MAN2A1: variants seen among roughly 807,000 people sequenced by gnomAD.
MAN2A1 encodes alpha-mannosidase 2.
MAN2A1 carries 76 observed loss-of-function variants against 142.6 expected under a neutral mutation model. That is an observed-to-expected ratio of 0.53 (90% CI 0.44 to 0.65). MAN2A1 has a LOEUF of 0.65. Ranked by LOEUF, MAN2A1 falls within the 30% of genes least tolerant of loss-of-function variation. MAN2A1 has a pLI of 0.00. For synonymous variants in MAN2A1, 559 were observed against 473.2 expected, an observed-to-expected ratio of 1.18 and a Z score of -2.35; for missense variants, 1,311 against 1,365.1, an observed-to-expected ratio of 0.96 and a Z score of 0.62.
In MAN2A1 at chr5:109,730,748, G is replaced by A. The variant is rs375278716; in HGVS notation, c.707+1235G>A. ...ATCTTCTAAACAATTCTGTGAAATA[G>A]GTACAATTGTTATCATTGTTTTACA... On this transcript the variant is annotated intron_variant, in intron 4 of 21. Coordinates refer to ENST00000261483, the MANE Select transcript of MAN2A1 (RefSeq NM_002372.4). 1.5e-3 allele frequency among the ~76,000 whole-genome samples: 230 copies of A among 152,174 alleles called. 9 individuals are homozygous for A. The South Asian group carries it at 0.047, about 31-fold the overall frequency.
chr5:109,822,834 A>C (rs1449113366), intron 15 of MAN2A1, among the ~76,000 whole-genome samples: 1 of 151,942 alleles, frequency 6.6e-6, no homozygotes, highest in African/African-American at 2.4e-5. Flanking sequence ...CCCGCCACCA[A>C]GTCTGGCTAA....
intron 16 of MAN2A1, among the ~76,000 whole-genome samples, chr5:109,832,709 C>T (rs991047418): frequency 1.2e-4 from 18 of 152,142 alleles, no homozygotes; most frequent in Admixed American, 3.3e-4. Flanking sequence ...GACAGGGTGG[C>T]GGCCGGGCAG....
chr5:109,805,033 A>G (rs1489651180), intron 12 of MAN2A1, among the ~76,000 whole-genome samples: 1 of 152,198 alleles, frequency 6.6e-6, no homozygotes, highest in East Asian at 1.9e-4. Context: ...TCACCCATAA[A>G]TATAATGTCT....
chr5:109,716,227 T>C lies in MAN2A1; in HGVS notation c.498T>C (p.Leu166=), dbSNP rs755325584. The change falls in exon 3 of 22, where the codon CTT becomes CTC. Residue 166 remains leucine, a synonymous_variant. Transcript: ENST00000261483. The part of the protein sequence containing the change: ...YESNEWDTEP[L]QVFVVPHSHN... ...CTAATGAATGGGACACTGAACCCCTTCAAGTCTTTGTGGTGCCTCATTCCC... is the reference window on the plus strand; with the variant it reads ...CTAATGAATGGGACACTGAACCCCTCCAAGTCTTTGTGGTGCCTCATTCCC... 11 of 1,609,270 alleles carry C rather than the reference T, an allele frequency of 6.8e-6. No individual in the cohort carries two copies. The highest frequency in any genetic ancestry group is 8.5e-6 in the Non-Finnish European group (10 of 1,177,438).
intron 1 of MAN2A1, among the ~76,000 whole-genome samples, chr5:109,712,170 A>T (rs575530411): frequency 6.6e-6 from 1 of 152,022 alleles, no homozygotes; most frequent in Non-Finnish European, 1.5e-5. Flanking sequence ...AGTTTGCTCA[A>T]ATGATTGGCC....
Position 109,789,440 on chromosome 5 carries a change from AT to A in MAN2A1, c.1876-18del, listed in dbSNP as rs752855407. 1.7e-5 allele frequency: 25 copies of A among 1,458,668 alleles called. No homozygotes were observed. The highest frequency in any genetic ancestry group is 2.1e-4 in the Middle Eastern group (1 of 4,654). The allele number at this position is 1,458,668 out of a possible 1,614,324, so 90.4% of individuals were successfully genotyped here. On this transcript the variant is annotated intron_variant, in intron 11 of 21. Transcript: ENST00000261483. ...ATGGAGTGTTAAGTAAAATTAAAAAATTACTGTTCATTTTTATAGGATTTGA... is the reference window on the plus strand; with the variant it reads ...ATGGAGTGTTAAGTAAAATTAAAAAATACTGTTCATTTTTATAGGATTTGA...
rs538306749 is a variant in MAN2A1, at chr5:109,865,140, G to C, written c.3276G>C (p.Gln1092His). Residue 1092 changes from glutamine to histidine, a missense_variant, in exon 21 of 22, where the codon CAG becomes CAC. Gln to His is a conservative substitution (Grantham distance 24, BLOSUM62 0). This residue lies in a region of MAN2A1 where 890 missense variants were observed against 920.5 expected (regional missense o/e 0.97). Transcript: ENST00000261483. Reference sequence around the variant, plus strand: ...CAGGGCTGTTTTGTTCTACTACTCAGGGAAAGGTAAGTTGAAAAGGTTATT... The same window carrying C: ...CAGGGCTGTTTTGTTCTACTACTCACGGAAAGGTAAGTTGAAAAGGTTATT... The part of the protein sequence containing the change: ...KGTGLFCSTT[Q>H]GKILVQKLLN... 7 of 1,611,492 alleles carry C rather than the reference G, an allele frequency of 4.3e-6. No homozygotes were observed. Among genetic ancestry groups the C allele is most frequent in the Non-Finnish European group, 5.9e-6 (7 of 1,177,828 alleles).
chr5:109,854,310 T>C (rs977299251), intron 19 of MAN2A1: 2 of 152,196 alleles, frequency 1.3e-5, no homozygotes, highest in East Asian at 3.8e-4. Flanking sequence ...GCATGTCATC[T>C]AGCATATTTA....
intron 1 of MAN2A1, among the ~76,000 whole-genome samples, chr5:109,705,572 G>T (rs2112550885): frequency 6.6e-6 from 1 of 152,286 alleles, no homozygotes; most frequent in East Asian, 1.9e-4. Context: ...CTAAGCATAA[G>T]AATATAAGCT....
At chr5:109,840,445 A>G (rs569927275) in intron 16 of MAN2A1, 161 of 461,068 alleles carry the variant, frequency 3.5e-4, no homozygotes, top group Non-Finnish European at 5.4e-4. Flanking sequence ...GCATCAGCCC[A>G]TCTTTGCTGC....
chr5:109,843,340 C>A (rs1166177532), intron 17 of MAN2A1, among the ~76,000 whole-genome samples: 1 of 152,068 alleles, frequency 6.6e-6, no homozygotes, highest in Non-Finnish European at 1.5e-5. Context: ...GTGAGATCTC[C>A]CTCACTGTCA....
chr5:109,858,884 G>A (rs1002290076), intron 20 of MAN2A1, among the ~76,000 whole-genome samples: 3 of 152,216 alleles, frequency 2.0e-5, no homozygotes, highest in African/African-American at 7.2e-5. Flanking sequence ...TGAGGGAGGC[G>A]AGTTGCAGGC....
intron 2 of MAN2A1, among the ~76,000 whole-genome samples, chr5:109,715,902 G>T (rs950974532): frequency 2.6e-5 from 4 of 151,572 alleles, no homozygotes; most frequent in African/African-American, 9.7e-5. Context: ...CGGATGGGAG[G>T]GATTATTTGT....
In MAN2A1 at chr5:109,842,806, G is replaced by GTTTTTTTTTTTTTTTTTTTT. The variant is rs768238978; in HGVS notation, c.2700+362_2700+363insTTTTTTTTTTTTTTTTTTTT. On this transcript the variant is annotated intron_variant, in intron 17 of 21. Transcript: ENST00000261483. ...GGGATTGATGGATTATACTTATTGG[G>GTTTTTTTTTTTTTTTTTTTT]TTTTTTTTTTTTTTTTTGAGAAAGA... Among the ~76,000 whole-genome samples, 46 of 116,166 alleles carry GTTTTTTTTTTTTTTTTTTTT rather than the reference G, an allele frequency of 4.0e-4. 5 individuals carry two copies. The highest frequency in any genetic ancestry group is 1.0e-3 in the African/African-American group (32 of 30,758). 76.2% of individuals were successfully genotyped at this position (116,166 alleles called of 152,430 possible).
intron 1 of MAN2A1, among the ~76,000 whole-genome samples, chr5:109,712,694 T>C (rs556009478): frequency 1.3e-5 from 2 of 152,182 alleles, no homozygotes; most frequent in Non-Finnish European, 2.9e-5. Context: ...CCGTATCTTA[T>C]GCATGTCTTC....
At position 109,729,370 on chromosome 5, in the gene MAN2A1, T is replaced by C; in HGVS notation, c.564T>C (p.Phe188=). Residue 188 remains phenylalanine, a synonymous_variant, in exon 4 of 22, where the codon TTT becomes TTC. Transcript: ENST00000261483. ...GGTTGAAGACTTTCAATGACTACTTTAGAGACAAGACTCAGTATATTTTTA... is the reference window on the plus strand; with the variant it reads ...GGTTGAAGACTTTCAATGACTACTTCAGAGACAAGACTCAGTATATTTTTA... ...PGWLKTFNDY[F]RDKTQYIFNN... is the part of the protein sequence containing the mutation. 1.9e-6 allele frequency: 3 copies of C among 1,605,574 alleles called. No individual in the cohort carries two copies. Among genetic ancestry groups the C allele is most frequent in the Middle Eastern group, 3.3e-4 (2 of 5,998 alleles).
At chr5:109,693,743 T>C (rs1487718473) in intron 1 of MAN2A1, among the ~76,000 whole-genome samples, 7 of 152,172 alleles carry the variant, frequency 4.6e-5, no homozygotes, top group Admixed American at 4.6e-4. Context: ...TTTGGAAGTC[T>C]ATCCTGAAGC....
rs1750615063 is a variant in MAN2A1 at position 109,689,989 on chromosome 5, G to T, written c.-429G>T. ...CCGGCCCGGGAGCTGCCGAACCCGCGCCTCCCCTGGGTGAGGAGGACACGC... is the reference window on the plus strand; with the variant it reads ...CCGGCCCGGGAGCTGCCGAACCCGCTCCTCCCCTGGGTGAGGAGGACACGC... On this transcript the variant is annotated 5_prime_UTR_variant, in exon 1 of 22. Coordinates refer to ENST00000261483, the MANE Select transcript of MAN2A1 (RefSeq NM_002372.4). The T allele has an allele frequency of 1.2e-5, 2 of 171,190 alleles. No homozygotes were observed. Among genetic ancestry groups the T allele is most frequent in the Non-Finnish European group, 2.5e-5 (2 of 79,392 alleles). 10.6% of individuals were successfully genotyped at this position (171,190 alleles called of 1,614,324 possible). A position where few individuals can be genotyped will look rare whatever the true frequency, so the allele number is the denominator to read the frequency against.
intron 8 of MAN2A1, among the ~76,000 whole-genome samples, chr5:109,779,728 G>A (rs1009367317): frequency 8.5e-5 from 13 of 152,160 alleles, no homozygotes; most frequent in African/African-American, 3.1e-4. Flanking sequence ...TTTTCTGGTA[G>A]GTCCTATGAT....
Sources: allele counts gnomAD v4.1 joint callset (sites outside exome capture counted in the v4.1 genomes callset), GRCh38; gene constraint gnomAD v4.1.1; regional missense constraint gnomAD v4.1.1; transcripts MANE v1.5; gene names NCBI Gene and HGNC (gene_info 2026-07-23, HGNC 2026-07-21).